Variants in TRAFD1 observed in about 807,000 individuals in gnomAD.
TRAFD1 encodes the protein TRAF-type zinc finger domain-containing protein 1.
TRAFD1 carries 38 observed loss-of-function variants against 65.3 expected under a neutral mutation model. The observed-to-expected ratio is 0.58, with a 90% CI of 0.45 to 0.76. The LOEUF is 0.76. TRAFD1 is among the 30% of genes least tolerant of loss of function. The pLI is 0.00. For synonymous variants in TRAFD1, 223 were observed against 257.2 expected (o/e 0.87, Z 1.27); for missense variants, 631 against 712.6 (o/e 0.89, Z 1.30).
At chr12:112,141,965 A>G in intron 5 of TRAFD1, 124 bp from the exon 6 acceptor site, 1 of 1,057,152 alleles carries the variant, frequency 9.5e-7, no homozygotes, top group Non-Finnish European at 1.4e-6. Context: ...AGCTAGTTGA[A>G]CATGGTCATT....
chr12:112,138,563 C>T lies in TRAFD1; in HGVS notation c.238-2256C>T, dbSNP rs553350448. On this transcript the variant is annotated intron_variant, in intron 4 of 11. Coordinates refer to ENST00000412615, the MANE Select transcript of TRAFD1 (RefSeq NM_006700.3). Reference sequence around the variant, plus strand: ...AGACTGTCTCAAAAAAAAACAAAAACAAAAACAAAAAATGCTGGGCGTGGT... The same window carrying T: ...AGACTGTCTCAAAAAAAAACAAAAATAAAAACAAAAAATGCTGGGCGTGGT... 4.8e-5 allele frequency among the ~76,000 whole-genome samples: 7 copies of T among 144,562 alleles called. No individual in the cohort carries two copies. The South Asian group carries it at 1.3e-3, about 27-fold the overall frequency. 94.8% of individuals were successfully genotyped at this position (144,562 alleles called of 152,430 possible). A position where few individuals can be genotyped will look rare whatever the true frequency, so the allele number is the denominator to read the frequency against.
At chr12:112,128,213 C>T (rs1317872546) in intron 1 of TRAFD1, among the ~76,000 whole-genome samples, 1 of 151,304 alleles carries the variant, frequency 6.6e-6, no homozygotes, top group African/African-American at 2.4e-5. Flanking sequence ...GCCATGCTGG[C>T]CAGGCTGGTC....
intron 7 of TRAFD1, 124 bp downstream of exon 7, chr12:112,145,786 G>A: frequency 1.2e-6 from 1 of 834,924 alleles, no homozygotes; most frequent in Non-Finnish European, 1.9e-6. Context: ...AATAGCAAGT[G>A]TTCTTTTCCA....
Position 112,152,822 on chromosome 12 carries a change from T to C in TRAFD1, c.*31T>C. The C allele has an allele frequency of 6.2e-7, 1 of 1,613,358 alleles. No individual in the cohort carries two copies. The highest frequency in any genetic ancestry group is 8.5e-7 in the Non-Finnish European group (1 of 1,179,700). The stretch of plus-strand genomic sequence containing the variant: ...TCTCCAGAGACTTTACATCGGTTCC[T>C]GTCTTCTGTGCACAGCAGCACTTGC... On this transcript the variant is annotated 3_prime_UTR_variant, in exon 12 of 12. Transcript: ENST00000412615. The surrounding 1 kb of genome is among the most constrained non-coding windows in gnomAD (Gnocchi z 5.0).
At chr12:112,150,398 C>G (rs2030367463) in intron 9 of TRAFD1, among the ~76,000 whole-genome samples, 2 of 151,600 alleles carry the variant, frequency 1.3e-5, no homozygotes, top group African/African-American at 4.8e-5. Flanking sequence ...TACAGGCACA[C>G]TCTACTACAC....
rs747886087 is a variant in TRAFD1, at chr12:112,145,582, C to T, written c.851-4C>T. ...TGAGTCTCATTGTGTGGCCTAATAC[C>T]TAGGTGCAGCTGACGAGATCATGTT... On this transcript the variant is annotated splice_polypyrimidine_tract_variant and splice_region_variant and intron_variant, in intron 6 of 11. Transcript: ENST00000412615. 6.2e-6 allele frequency: 10 copies of T among 1,613,992 alleles called. No homozygotes were observed. The highest frequency in any genetic ancestry group is 8.5e-6 in the Non-Finnish European group (10 of 1,179,962).
chr12:112,126,512 A>T (rs981614135), intron 1 of TRAFD1, among the ~76,000 whole-genome samples: 1 of 151,864 alleles, frequency 6.6e-6, no homozygotes, highest in African/African-American at 2.4e-5. Flanking sequence ...CCTGCAGGCT[A>T]CCCCCAGTCT....
chr12:112,128,760 G>A lies in TRAFD1; in HGVS notation c.-12-1751G>A, dbSNP rs569713808. Among the ~76,000 whole-genome samples, 105 of 152,170 alleles carry A rather than the reference G, an allele frequency of 6.9e-4. 1 individual carries two copies. Among genetic ancestry groups the A allele is most frequent in the Middle Eastern group, 3.4e-3 (1 of 294 alleles). ...ATTATATAAAATAACTAGCTGGCTG[G>A]GCACGGTGACTCATGCCTGTAATCC... is the stretch of plus-strand genomic sequence containing the variant. On this transcript the variant is annotated intron_variant, in intron 1 of 11. Coordinates refer to ENST00000412615, the MANE Select transcript of TRAFD1 (RefSeq NM_006700.3).
At chr12:112,133,273 C>T (rs1165282498) in intron 2 of TRAFD1, 1 of 152,190 alleles carries the variant, frequency 6.6e-6, no homozygotes, top group Non-Finnish European at 1.5e-5. Flanking sequence ...CCAACCCAGC[C>T]AGAGAGCATG....
rs2030078977 is a variant in TRAFD1 at position 112,141,180 on chromosome 12, A to G, written c.599A>G (p.Asn200Ser). ...GATGTTTTCCACAATAGAACTACCA[A>G]CCAAAGGAACATTACAGCCCAGGTT... ...ESDVFHNRTT[N>S]QRNITAQVSI... Residue 200 changes from asparagine (N) to serine (S), a missense_variant, in exon 5 of 12, where the codon AAC (asparagine) becomes AGC (serine). Physicochemically the swap from Asn to Ser is conservative, Grantham distance 46. Coordinates refer to ENST00000412615, the MANE Select transcript of TRAFD1 (RefSeq NM_006700.3). The G allele has an allele frequency of 6.2e-7, 1 of 1,614,038 alleles. No individual in the cohort carries two copies. The highest frequency in any genetic ancestry group is 1.1e-5 in the South Asian group (1 of 91,092).
chr12:112,130,442 G>C lies in TRAFD1; in HGVS notation c.-12-69G>C. 7.5e-7 allele frequency: 1 copy of C among 1,325,138 alleles called. No individual in the cohort carries two copies. The highest frequency in any genetic ancestry group is 1.2e-5 in the South Asian group (1 of 81,202). The allele number at this position is 1,325,138 out of a possible 1,614,324, so 82.1% of individuals were successfully genotyped here. A position where few individuals can be genotyped will look rare whatever the true frequency, so the allele number is the denominator to read the frequency against. On this transcript the variant is annotated intron_variant, in intron 1 of 11. Coordinates refer to ENST00000412615, the MANE Select transcript of TRAFD1 (RefSeq NM_006700.3). This position sits in a 1 kb window ranked among gnomAD's most constrained non-coding sequence, Gnocchi z 4.4. ...GTTTCTGTATACTAGTTTTTTATTTGTTTTTTTGCATGTCATCTTTAAAGC... is the reference window on the plus strand; with the variant it reads ...GTTTCTGTATACTAGTTTTTTATTTCTTTTTTTGCATGTCATCTTTAAAGC...
chr12:112,141,416 G>T, intron 5 of TRAFD1, 192 bp downstream of exon 5: 1 of 663,790 alleles, frequency 1.5e-6, no homozygotes, highest in Non-Finnish European at 2.5e-6. Flanking sequence ...TCATAATGGT[G>T]AGTATGATGA....
chr12:112,148,300 A>G lies in TRAFD1; in HGVS notation c.1154A>G (p.His385Arg). ...CTGGAAGAGGAGGTGCTGTTCCATC[A>G]CCAGGTAAGGGTCCCTGGAGTCCCT... ...VQLEEEVLFH[H>R]QDQCDQRPAT... Residue 385 changes from histidine (H) to arginine (R), a missense_variant, in exon 8 of 12, where the codon CAC becomes CGC. His to Arg is a conservative substitution (Grantham distance 29). Coordinates refer to ENST00000412615, the MANE Select transcript of TRAFD1 (RefSeq NM_006700.3). The G allele has an allele frequency of 6.2e-7, 1 of 1,613,942 alleles. No homozygotes were observed. Among genetic ancestry groups the G allele is most frequent in the Non-Finnish European group, 8.5e-7 (1 of 1,179,896 alleles).
chr12:112,148,356 C>A, intron 8 of TRAFD1, 52 bp downstream of exon 8: 1 of 1,486,892 alleles, frequency 6.7e-7, no homozygotes, highest in Non-Finnish European at 9.4e-7. Context: ...GAACCTGAGG[C>A]TTCCAGAGCT....
intron 1 of TRAFD1, among the ~76,000 whole-genome samples, chr12:112,129,332 G>T (rs1165238617): frequency 6.7e-6 from 1 of 150,296 alleles, no homozygotes; most frequent in African/African-American, 2.4e-5. Context: ...CTTCTGAGTA[G>T]TTGGGACCAC....
At chr12:112,141,619 C>T (rs2030092458) in intron 5 of TRAFD1, 3 of 208,434 alleles carry the variant, frequency 1.4e-5, no homozygotes, top group Non-Finnish European at 2.9e-5. Flanking sequence ...CAAAAAGTTT[C>T]AAATTTTGGA....
rs1247783217 is a variant in TRAFD1, at chr12:112,152,286, T to G, written c.1620-141T>G. 39 of 1,421,878 alleles carry G rather than the reference T, an allele frequency of 2.7e-5. No individual in the cohort carries two copies. Among genetic ancestry groups the G allele is most frequent in the Non-Finnish European group, 3.5e-5 (36 of 1,042,812 alleles). 88.1% of individuals were successfully genotyped at this position (1,421,878 alleles called of 1,614,324 possible). On this transcript the variant is annotated intron_variant, in intron 10 of 11. Transcript: ENST00000412615. This position sits in a 1 kb window ranked among gnomAD's most constrained non-coding sequence, Gnocchi z 5.0. ...TATGGATTTTCCCTGTATTGTCACC[T>G]GACTCCAAAAAAATTATTTTGTGGC...
At position 112,142,123 on chromosome 12, in the gene TRAFD1, C is replaced by T; in HGVS notation, c.678C>T (p.Gly226=). 6.2e-7 allele frequency: 1 copy of T among 1,613,480 alleles called. No individual in the cohort carries two copies. The highest frequency in any genetic ancestry group is 1.1e-5 in the South Asian group (1 of 91,060). The change falls in exon 6 of 12, where the codon GGC becomes GGT. Residue 226 remains glycine, a synonymous_variant. Coordinates refer to ENST00000412615, the MANE Select transcript of TRAFD1 (RefSeq NM_006700.3). ...AAGAGAGGCAGGAAAGGAATAGAGG[C>T]CAACAGCCCCCCAAAGAGGGTGGTG... The part of the protein sequence containing the change: ...EEQERQERNR[G]QQPPKEGGEE...
Position 112,152,652 on chromosome 12 carries a change from G to A in TRAFD1, c.1693-83G>A. 15 of 1,606,548 alleles carry A rather than the reference G, an allele frequency of 9.3e-6. No individual in the cohort carries two copies. The highest frequency in any genetic ancestry group is 1.7e-4 in the Middle Eastern group (1 of 6,032). ...TTGAGAAGGAGGTTTCTAAGGAAGC[G>A]GGACATTTTCGGGGATCCAGGGGAG... On this transcript the variant is annotated intron_variant, in intron 11 of 11. Transcript: ENST00000412615. The surrounding 1 kb of genome is among the most constrained non-coding windows in gnomAD (Gnocchi z 5.0).
Sources: gnomAD v4.1 joint callset for allele counts (sites outside exome capture counted in the v4.1 genomes callset) on GRCh38, gnomAD v4.1.1 for gene constraint, Gnocchi (gnomAD v3.1) non-coding constraint, MANE v1.5 for transcripts, NCBI Gene and HGNC (gene_info 2026-07-23, HGNC 2026-07-21) for gene names.